SLC25A26: variants seen among roughly 807,000 people sequenced by gnomAD.
SLC25A26 encodes solute carrier family 25 member 26.
A neutral mutation model predicts 37.8 loss-of-function variants in SLC25A26; 36 were observed. That is an observed-to-expected ratio of 0.95 (90% confidence interval 0.73 to 1.26). The LOEUF (loss-of-function observed/expected upper bound fraction) is 1.26. Ranked by LOEUF, SLC25A26 falls within the 50% of genes most tolerant of loss-of-function variation. The pLI, the probability that SLC25A26 is intolerant of heterozygous loss-of-function variation, is 0.00. For synonymous variants in SLC25A26, 129 were observed against 122.5 expected (o/e 1.05, Z -0.35); for missense variants, 390 against 331.1 (o/e 1.18, Z -1.38).
intron 3 of SLC25A26, among the ~76,000 whole-genome samples, chr3:66,244,420 C>T (rs1325322526): frequency 1.3e-5 from 2 of 152,172 alleles, no homozygotes; most frequent in Admixed American, 6.5e-5. Flanking sequence ...TAGGCATAAA[C>T]TTACTAAGGC....
chr3:66,266,770 G>A (rs2073769962), intron 5 of SLC25A26, among the ~76,000 whole-genome samples: 2 of 152,062 alleles, frequency 1.3e-5, no homozygotes, highest in Non-Finnish European at 2.9e-5. Context: ...GGTCAAGCAT[G>A]CTGGTGCAGT....
At chr3:66,322,863 T>A (rs1011542204) in intron 5 of SLC25A26, among the ~76,000 whole-genome samples, 1 of 152,178 alleles carries the variant, frequency 6.6e-6, no homozygotes, top group Non-Finnish European at 1.5e-5. Context: ...TTTCTGCAAG[T>A]TTTTAATAGT....
chr3:66,283,135 A>G (rs1191287062), intron 5 of SLC25A26, among the ~76,000 whole-genome samples: 2 of 152,210 alleles, frequency 1.3e-5, no homozygotes, highest in Non-Finnish European at 2.9e-5. Context: ...TTTTGGTATC[A>G]TTATTAAGAG....
chr3:66,182,829 A>G (rs2070741980), intron 1 of SLC25A26, among the ~76,000 whole-genome samples: 3 of 151,988 alleles, frequency 2.0e-5, no homozygotes, highest in Admixed American at 6.5e-5. Context: ...GACCAACCCC[A>G]GGTCACTAGC....
chr3:66,161,255 C>T (rs926183394), intron 1 of SLC25A26, among the ~76,000 whole-genome samples: 5 of 151,974 alleles, frequency 3.3e-5, no homozygotes, highest in Non-Finnish European at 5.9e-5. Context: ...AAGTGGTGAC[C>T]AACTTTTTCC....
At chr3:66,200,636 C>A (rs1197472832) in intron 1 of SLC25A26, among the ~76,000 whole-genome samples, 1 of 152,202 alleles carries the variant, frequency 6.6e-6, no homozygotes, top group African/African-American at 2.4e-5. Context: ...AGGGTACTTT[C>A]ATGGTCTCCC....
chr3:66,254,671 A>G (rs567328798), intron 3 of SLC25A26, among the ~76,000 whole-genome samples: 2 of 152,390 alleles, frequency 1.3e-5, no homozygotes, highest in African/African-American at 4.8e-5. Flanking sequence ...TGATAGTCAG[A>G]ACACTTGGGT....
chr3:66,361,724 GA>G (rs1241882213), intron 6 of SLC25A26, among the ~76,000 whole-genome samples: 2 of 152,204 alleles, frequency 1.3e-5, no homozygotes, highest in Non-Finnish European at 2.9e-5. Flanking sequence ...AGCACTTTGA[GA>G]GGCTGAGGCG....
intron 6 of SLC25A26, among the ~76,000 whole-genome samples, chr3:66,348,927 T>C (rs1373895164): frequency 6.6e-6 from 1 of 152,190 alleles, no homozygotes; most frequent in African/African-American, 2.4e-5. Context: ...TTTTAGTGTG[T>C]GACAAAAGAA....
chr3:66,279,536 A>G (rs1403475908), intron 5 of SLC25A26, among the ~76,000 whole-genome samples: 2 of 152,184 alleles, frequency 1.3e-5, no homozygotes, highest in African/African-American at 4.8e-5. Context: ...AGGTGGGGTC[A>G]GGTAATTATC....
At chr3:66,245,240 C>T (rs1379952028) in intron 3 of SLC25A26, among the ~76,000 whole-genome samples, 2 of 102,976 alleles carry the variant, frequency 1.9e-5, no homozygotes, top group East Asian at 5.5e-4. Flanking sequence ...ATCGTAAACA[C>T]AGTTATGATT....
chr3:66,213,227 C>G (rs1181172152), intron 1 of SLC25A26, among the ~76,000 whole-genome samples: 3 of 151,642 alleles, frequency 2.0e-5, no homozygotes, highest in Non-Finnish European at 4.4e-5. Context: ...TGGTGAAACC[C>G]CATCTCTACT....
intron 6 of SLC25A26, among the ~76,000 whole-genome samples, chr3:66,361,690 A>G (rs1177852377): frequency 1.3e-5 from 2 of 152,200 alleles, no homozygotes; most frequent in Admixed American, 6.5e-5. Flanking sequence ...CAATGAAGGC[A>G]CGGTGGCTCA....
At chr3:66,214,559 C>T (rs1029610530) in intron 1 of SLC25A26, among the ~76,000 whole-genome samples, 3,325 of 152,040 alleles carry the variant, frequency 0.022, 120 homozygotes, top group African/African-American at 0.076. Context: ...ATTTTCATTT[C>T]GATGTTACTA....
chr3:66,365,547 C>T (rs535275401), intron 7 of SLC25A26, among the ~76,000 whole-genome samples: 1 of 152,204 alleles, frequency 6.6e-6, no homozygotes, highest in East Asian at 1.9e-4. Context: ...GTATTTGGTA[C>T]TCTAGTATAT....
chr3:66,330,545 T>C (rs1388666106), intron 5 of SLC25A26, among the ~76,000 whole-genome samples: 1 of 151,804 alleles, frequency 6.6e-6, no homozygotes, highest in East Asian at 1.9e-4. Flanking sequence ...ACCTCTGTTG[T>C]AGGCAGTGTG....
intron 6 of SLC25A26, among the ~76,000 whole-genome samples, chr3:66,348,681 CAAAGT>C (rs1414780564): frequency 6.6e-6 from 1 of 152,132 alleles, no homozygotes; most frequent in Non-Finnish European, 1.5e-5. Context: ...TACTCATTAA[CAAAGT>C]AAATTATGAG....
intron 5 of SLC25A26, among the ~76,000 whole-genome samples, chr3:66,266,052 A>G (rs1225586010): frequency 6.6e-6 from 1 of 152,186 alleles, no homozygotes; most frequent in African/African-American, 2.4e-5. Context: ...CTAGTAATTA[A>G]TTTGTAGCCT....
chr3:66,374,887 A>T lies in SLC25A26; in HGVS notation c.708-2803A>T, dbSNP rs900328011. On this transcript the variant is annotated intron_variant, in intron 9 of 9. Transcript: ENST00000354883. ...CAGCAAGACCCTATCTCAAAAAAAA[A>T]AATTAATTAATTAAAAATAAAAGCT... Among the ~76,000 whole-genome samples, 30 of 151,868 alleles carry T rather than the reference A, an allele frequency of 2.0e-4. No individual in the cohort carries two copies. The East Asian group carries it at 2.7e-3, about 14-fold the overall frequency.
Sources: allele counts gnomAD v4.1 joint callset (sites outside exome capture counted in the v4.1 genomes callset), GRCh38; gene constraint gnomAD v4.1.1; transcripts MANE v1.5; gene names NCBI Gene and HGNC (gene_info 2026-07-23, HGNC 2026-07-21).